The following GOLGB1 variants were observed in gnomAD, a reference collection of about 807,000 sequenced individuals.
The protein encoded by GOLGB1 is golgin B1.
Under a neutral mutation model 336.9 loss-of-function variants are expected in GOLGB1, and 174 were observed. The ratio of observed to expected loss-of-function variants is 0.52; its 90% CI spans 0.46 to 0.59. The LOEUF (loss-of-function observed/expected upper bound fraction) is 0.59, where lower values mean the gene tolerates loss of function less well. Among genes scored for constraint, GOLGB1 ranks in the 20% least tolerant of loss-of-function variants. The pLI is 0.00. For missense variants in GOLGB1, 3,331 were observed against 3,645.3 expected (o/e 0.91, Z 2.22); for synonymous variants, 1,208 against 1,289.2 (o/e 0.94, Z 1.35).
Position 121,729,997 on chromosome 3 carries a change from G to A in GOLGB1, c.117C>T (p.Asp39=). ...CTTGTGTAGTATTATTAAATTCCAT[G>A]TCAGATTCTTGGTGTAATTCCTAAT... ...PLDPELHQES[D]MEFNNTTQED... The change falls in exon 3 of 22, where the codon GAC becomes GAT. Residue 39 remains aspartate (D), a synonymous_variant. Transcript: ENST00000614479. 6.2e-7 allele frequency: 1 copy of A among 1,611,876 alleles called. No homozygotes were observed. Among genetic ancestry groups the A allele is most frequent in the Non-Finnish European group, 8.5e-7 (1 of 1,178,582 alleles).
rs762518753 is a variant in GOLGB1 at position 121,696,520 on chromosome 3, T to C, written c.4003A>G (p.Ser1335Gly). 9.3e-6 allele frequency: 15 copies of C among 1,614,094 alleles called. No individual in the cohort carries two copies. The highest frequency in any genetic ancestry group is 1.7e-5 in the Admixed American group (1 of 60,002). Residue 1335 changes from serine (S) to glycine (G), a missense_variant, in exon 13 of 22, where the codon AGT becomes GGT. Physicochemically the swap from Ser to Gly is moderately conservative, Grantham distance 56 (BLOSUM62 0). Coordinates refer to ENST00000614479, the MANE Select transcript of GOLGB1 (RefSeq NM_001366282.2). ...ELELKVSSTTSELTKKSEEVF... is the reference protein window; with the variant it reads ...ELELKVSSTTGELTKKSEEVF... ...TCTTCTGATTTTTTAGTAAGCTCACTTGTTGTAGAACTAACTTTCAATTCT... is the reference window on the plus strand; with the variant it reads ...TCTTCTGATTTTTTAGTAAGCTCACCTGTTGTAGAACTAACTTTCAATTCT...
chr3:121,691,732 G>C lies in GOLGB1; in HGVS notation c.7632C>G (p.Asp2544Glu). 1.9e-6 allele frequency: 3 copies of C among 1,613,538 alleles called. No individual in the cohort carries two copies. The highest frequency in any genetic ancestry group is 2.5e-6 in the Non-Finnish European group (3 of 1,179,846). Reference protein sequence around the residue: ...LDAELIQYREDLNQVITIKDS... With the variant: ...LDAELIQYREELNQVITIKDS... ...CCTTTATTGTTATCACTTGGTTCAG[G>C]TCTTCTCTATATTGGATCAGTTCTG... The change falls in exon 14 of 22, where the codon GAC (aspartate) becomes GAG (glutamate). Residue 2544 changes from aspartate to glutamate, a missense_variant. Transcript: ENST00000614479.
At chr3:121,747,165 TA>T (rs1947356426) in intron 1 of GOLGB1, among the ~76,000 whole-genome samples, 1 of 105,354 alleles carries the variant, frequency 9.5e-6, no homozygotes. Context: ...TATATATATA[TA>T]TATATATATA....
chr3:121,720,098 G>A (rs1945084989), intron 6 of GOLGB1, among the ~76,000 whole-genome samples: 1 of 152,120 alleles, frequency 6.6e-6, no homozygotes, highest in African/African-American at 2.4e-5. Flanking sequence ...AAACACATAA[G>A]GTGAAGTTAA....
At chr3:121,741,242 C>T (rs1257640774) in intron 1 of GOLGB1, among the ~76,000 whole-genome samples, 2 of 151,960 alleles carry the variant, frequency 1.3e-5, no homozygotes, top group African/African-American at 4.8e-5. Context: ...ATCCAAATGA[C>T]TAAAGAAACA....
Position 121,695,296 on chromosome 3 carries a change from G to A in GOLGB1, c.5227C>T (p.Leu1743Phe). Residue 1743 changes from leucine (L) to phenylalanine (F), a missense_variant, in exon 13 of 22, where the codon CTT (leucine) becomes TTT (phenylalanine). Coordinates refer to ENST00000614479, the MANE Select transcript of GOLGB1 (RefSeq NM_001366282.2). ...ATTAAAGACTGAAACTTCTTAGAAA[G>A]GGTTTCATACTCCATTTTGACCCTT... The part of the protein sequence containing the change: ...LERVKMEYET[L>F]SKKFQSLMSE... 6.2e-7 allele frequency: 1 copy of A among 1,613,814 alleles called. No individual in the cohort carries two copies. Among genetic ancestry groups the A allele is most frequent in the Non-Finnish European group, 8.5e-7 (1 of 1,179,892 alleles).
intron 10 of GOLGB1, 148 bp downstream of exon 10, chr3:121,714,713 A>T: frequency 1.6e-6 from 1 of 627,876 alleles, no homozygotes; most frequent in Non-Finnish European, 2.8e-6. Context: ...TTCCTTTCAA[A>T]TAGAATTGTC....
chr3:121,746,106 C>A (rs986661202), intron 1 of GOLGB1, among the ~76,000 whole-genome samples: 6 of 152,158 alleles, frequency 3.9e-5, no homozygotes, highest in Admixed American at 3.3e-4. Flanking sequence ...CATTTTCCCA[C>A]AGAAACACAG....
intron 1 of GOLGB1, among the ~76,000 whole-genome samples, chr3:121,732,168 G>A (rs1420875631): frequency 6.6e-6 from 1 of 152,086 alleles, no homozygotes; most frequent in Non-Finnish European, 1.5e-5. Context: ...GTGCATGTGT[G>A]TGTACAGACA....
chr3:121,736,574 T>A (rs1946482277), intron 1 of GOLGB1, among the ~76,000 whole-genome samples: 1 of 151,904 alleles, frequency 6.6e-6, no homozygotes, highest in African/African-American at 2.4e-5. Context: ...TAAGAAACAG[T>A]CACAGATTAG....
Position 121,693,839 on chromosome 3 carries a change from T to C in GOLGB1, c.6684A>G (p.Glu2228=). The C allele has an allele frequency of 6.2e-7, 1 of 1,613,282 alleles. No individual in the cohort carries two copies. Among genetic ancestry groups the C allele is most frequent in the Non-Finnish European group, 8.5e-7 (1 of 1,179,164 alleles). ...RKFSDAIQSK[E]EEIRLKEDNC... is the part of the protein sequence containing the mutation. The stretch of plus-strand genomic sequence containing the variant: ...TATCTTCTTTGAGTCTAATTTCTTC[T>C]TCTTTGCTTTGAATCGCATCACTAA... Residue 2228 remains glutamate (E), a synonymous_variant, in exon 13 of 22, where the codon GAA becomes GAG. Coordinates refer to ENST00000614479, the MANE Select transcript of GOLGB1 (RefSeq NM_001366282.2).
intron 5 of GOLGB1, among the ~76,000 whole-genome samples, chr3:121,726,061 G>A (rs1227099835): frequency 2.0e-5 from 3 of 150,226 alleles, no homozygotes; most frequent in Admixed American, 1.3e-4. Flanking sequence ...GATTATAGGT[G>A]ATAAAAGCAT....
At chr3:121,670,757 G>GC (rs1028085663) in intron 17 of GOLGB1, among the ~76,000 whole-genome samples, 132 of 136,202 alleles carry the variant, frequency 9.7e-4, no homozygotes, top group Admixed American at 2.9e-3. Context: ...TTTTCTTTTG[G>GC]GGGGGGGGGT....
chr3:121,706,445 A>C (rs1346518332), intron 10 of GOLGB1, among the ~76,000 whole-genome samples: 2 of 152,106 alleles, frequency 1.3e-5, no homozygotes. Context: ...TATTAAAAAC[A>C]AAATGCAAGG....
chr3:121,698,887 C>T lies in GOLGB1; in HGVS notation c.1636G>A (p.Glu546Lys). 6.2e-7 allele frequency: 1 copy of T among 1,602,164 alleles called. No homozygotes were observed. Among genetic ancestry groups the T allele is most frequent in the Non-Finnish European group, 8.5e-7 (1 of 1,174,282 alleles). ...DIANKRSSSA[E>K]ESGQDVLENT... is the part of the protein sequence containing the mutation. ...TCTAGAACATCTTGTCCACTTTCCTCAGCAGAAGAGCTCCTCTTGTTGGCA... is the reference window on the plus strand; with the variant it reads ...TCTAGAACATCTTGTCCACTTTCCTTAGCAGAAGAGCTCCTCTTGTTGGCA... Residue 546 changes from glutamate to lysine, a missense_variant, in exon 13 of 22, where the codon GAG becomes AAG. Coordinates refer to ENST00000614479, the MANE Select transcript of GOLGB1 (RefSeq NM_001366282.2).
At chr3:121,678,465 C>T (rs1234929442) in intron 15 of GOLGB1, among the ~76,000 whole-genome samples, 1 of 152,142 alleles carries the variant, frequency 6.6e-6, no homozygotes, top group African/African-American at 2.4e-5. Flanking sequence ...TATTCATTTG[C>T]CTCTTGTCCT....
rs767697088 is a variant in GOLGB1, at chr3:121,716,894, T to G, written c.1131A>C (p.Ala377=). The part of the protein sequence containing the change: ...RYSALEQKHK[A]EMEEKTSHIL... ...TATGAGAGGTCTTCTCTTCCATTTCTGCTTTGTGCTTCTGCTCCAAAGCAC... is the reference window on the plus strand; with the variant it reads ...TATGAGAGGTCTTCTCTTCCATTTCGGCTTTGTGCTTCTGCTCCAAAGCAC... Residue 377 remains alanine (A), a synonymous_variant, in exon 9 of 22, where the codon GCA becomes GCC. Transcript: ENST00000614479. 7 of 1,614,122 alleles carry G rather than the reference T, an allele frequency of 4.3e-6. No homozygotes were observed. The Admixed American group carries it at 1.2e-4, about 27-fold the overall frequency.
chr3:121,691,976 T>A lies in GOLGB1; in HGVS notation c.7388A>T (p.Gln2463Leu). The change falls in exon 14 of 22, where the codon CAG (glutamine) becomes CTG (leucine). Residue 2463 changes from glutamine (Q) to leucine (L), a missense_variant. Transcript: ENST00000614479. ...IKKENIQQKA[Q>L]LDSFVKSMSS... ...CATGGATTTAACAAAGGAATCCAAC[T>A]GTGCCTTTTGCTGAATGTTTTCCTT... 6.2e-7 allele frequency: 1 copy of A among 1,614,102 alleles called. No homozygotes were observed. Among genetic ancestry groups the A allele is most frequent in the Non-Finnish European group, 8.5e-7 (1 of 1,179,928 alleles).
Position 121,669,358 on chromosome 3 carries a change from G to A in GOLGB1, c.9178-3C>T. 6.2e-7 allele frequency: 1 copy of A among 1,613,054 alleles called. No individual in the cohort carries two copies. On this transcript the variant is annotated splice_region_variant and splice_polypyrimidine_tract_variant and intron_variant, in intron 17 of 21. Coordinates refer to ENST00000614479, the MANE Select transcript of GOLGB1 (RefSeq NM_001366282.2). ...TTCTCTTCCAGTAGCTGAGAGAACT[G>A]AAACAGAGGCGAGGATAAGCATCAT...
Sources: allele counts gnomAD v4.1 joint callset (sites outside exome capture counted in the v4.1 genomes callset), GRCh38; gene constraint gnomAD v4.1.1; transcripts MANE v1.5; gene names NCBI Gene and HGNC (gene_info 2026-07-23, HGNC 2026-07-21).